PAK2: variants seen among roughly 807,000 people sequenced by gnomAD.
PAK2 encodes p21 (RAC1) activated kinase 2.
Under a neutral mutation model 65.9 loss-of-function variants are expected in PAK2, and 21 were observed. That is an observed-to-expected ratio of 0.32 (90% CI 0.23 to 0.46). The LOEUF (loss-of-function observed/expected upper bound fraction) is 0.46, where lower values mean the gene tolerates loss of function less well. Among genes scored for constraint, PAK2 ranks in the 20% least tolerant of loss-of-function variants. PAK2 has a pLI of 1.00. For synonymous variants in PAK2, 204 were observed against 219.7 expected, an observed-to-expected ratio of 0.93 and a Z score of 0.63; for missense variants, 324 against 642.6, an observed-to-expected ratio of 0.50 and a Z score of 5.36.
At chr3:196,795,367 C>T (rs1343938699) in intron 2 of PAK2, among the ~76,000 whole-genome samples, 1 of 151,870 alleles carries the variant, frequency 6.6e-6, no homozygotes, top group Non-Finnish European at 1.5e-5. Flanking sequence ...ACTTGGTAGG[C>T]TGAGGCAGGA....
At chr3:196,819,173 G>C (rs1711571991) in intron 12 of PAK2, among the ~76,000 whole-genome samples, 1 of 152,174 alleles carries the variant, frequency 6.6e-6, no homozygotes, top group East Asian at 1.9e-4. Context: ...CGGGTGCAGT[G>C]GCTCACGCCT....
intron 1 of PAK2, among the ~76,000 whole-genome samples, chr3:196,779,162 G>A (rs1228685825): frequency 2.6e-5 from 4 of 152,150 alleles, no homozygotes; most frequent in African/African-American, 9.7e-5. Context: ...CAATTCTTCT[G>A]TAAGAAAGAT....
rs1289207308 is a variant in PAK2, at chr3:196,740,098, A to C, written c.-81A>C. On this transcript the variant is annotated 5_prime_UTR_variant, in exon 1 of 15. Coordinates refer to ENST00000327134, the MANE Select transcript of PAK2 (RefSeq NM_002577.4). Reference sequence around the variant, plus strand: ...GCGCGCTAGCCCGGGGCGGCTCCGCAGCCCGCCGGGAGCTCTGACCGAGGC... The same window carrying C: ...GCGCGCTAGCCCGGGGCGGCTCCGCCGCCCGCCGGGAGCTCTGACCGAGGC... The C allele has an allele frequency of 6.8e-6, 1 of 146,048 alleles. No individual in the cohort carries two copies. The highest frequency in any genetic ancestry group is 1.5e-5 in the Non-Finnish European group (1 of 66,318). 9.0% of individuals were successfully genotyped at this position (146,048 alleles called of 1,614,324 possible). A position where few individuals can be genotyped will look rare whatever the true frequency, so the allele number is the denominator to read the frequency against.
chr3:196,753,981 C>A (rs1713691713), intron 1 of PAK2, among the ~76,000 whole-genome samples: 1 of 152,124 alleles, frequency 6.6e-6, no homozygotes, highest in Admixed American at 6.5e-5. Context: ...GGTTGGCTCA[C>A]CATTTCTGTC....
intron 2 of PAK2, among the ~76,000 whole-genome samples, chr3:196,799,156 G>A (rs970301597): frequency 1.3e-5 from 2 of 152,052 alleles, no homozygotes; most frequent in Non-Finnish European, 2.9e-5. Context: ...TAGCAAAATT[G>A]TATATTTACA....
chr3:196,795,793 A>G (rs1715240596), intron 2 of PAK2, among the ~76,000 whole-genome samples: 1 of 152,206 alleles, frequency 6.6e-6, no homozygotes, highest in Non-Finnish European at 1.5e-5. Flanking sequence ...CTTCAGGCAG[A>G]AGGAAGGTGA....
rs1195813489 is a variant in PAK2, at chr3:196,831,747, G to A, written c.*3342G>A. The A allele has an allele frequency of 6.6e-6, 1 of 152,154 alleles. No homozygotes were observed. The highest frequency in any genetic ancestry group is 2.4e-5 in the African/African-American group (1 of 41,432). 9.4% of individuals were successfully genotyped at this position (152,154 alleles called of 1,614,324 possible). A position where few individuals can be genotyped will look rare whatever the true frequency, so the allele number is the denominator to read the frequency against. Reference sequence around the variant, plus strand: ...AACAAAATAGATGCTTAAAGAATTTGCATCCATTTTTGAGTCTAAATCTTT... The same window carrying A: ...AACAAAATAGATGCTTAAAGAATTTACATCCATTTTTGAGTCTAAATCTTT... On this transcript the variant is annotated 3_prime_UTR_variant, in exon 15 of 15. Coordinates refer to ENST00000327134, the MANE Select transcript of PAK2 (RefSeq NM_002577.4).
chr3:196,748,094 A>G (rs762878583), intron 1 of PAK2, among the ~76,000 whole-genome samples: 3 of 152,082 alleles, frequency 2.0e-5, no homozygotes, highest in Admixed American at 6.5e-5. Context: ...ACAAATAGGT[A>G]TGAAATAAGT....
chr3:196,764,262 T>C (rs920045323), intron 1 of PAK2, among the ~76,000 whole-genome samples: 6 of 152,176 alleles, frequency 3.9e-5, no homozygotes, highest in African/African-American at 1.4e-4. Context: ...ATAAACATTT[T>C]AGCGCTCTTC....
chr3:196,744,672 T>G (rs896450097), intron 1 of PAK2, among the ~76,000 whole-genome samples: 5 of 152,248 alleles, frequency 3.3e-5, no homozygotes, highest in African/African-American at 9.6e-5. Flanking sequence ...CTTTTTATGT[T>G]GATTTTAAAA....
chr3:196,804,370 AT>A (rs376819737), intron 4 of PAK2, among the ~76,000 whole-genome samples: 92 of 152,230 alleles, frequency 6.0e-4, no homozygotes, highest in African/African-American at 2.0e-3. Context: ...TAAATTAGTA[AT>A]TTTTTTGAAA....
Position 196,830,013 on chromosome 3 carries a change from T to A in PAK2, c.*1608T>A, listed in dbSNP as rs1434448454. 1 of 152,100 alleles carries A rather than the reference T, an allele frequency of 6.6e-6. No homozygotes were observed. The highest frequency in any genetic ancestry group is 2.4e-5 in the African/African-American group (1 of 41,396). 9.4% of individuals were successfully genotyped at this position (152,100 alleles called of 1,614,324 possible). ...TCTGTGGTTTGGTTCTGGCATTTTG[T>A]TCCCACCATCCCCTTCCCCCATTAA... On this transcript the variant is annotated 3_prime_UTR_variant, in exon 15 of 15. Coordinates refer to ENST00000327134, the MANE Select transcript of PAK2 (RefSeq NM_002577.4).
intron 1 of PAK2, among the ~76,000 whole-genome samples, chr3:196,743,028 G>A (rs1713258884): frequency 6.6e-6 from 1 of 152,180 alleles, no homozygotes. Flanking sequence ...TCAGAGGGAG[G>A]GTGTTAATTG....
At chr3:196,744,872 A>G (rs1380080021) in intron 1 of PAK2, among the ~76,000 whole-genome samples, 2 of 152,180 alleles carry the variant, frequency 1.3e-5, no homozygotes, top group African/African-American at 2.4e-5. Flanking sequence ...GTGCACATGC[A>G]TATGTAGATA....
At chr3:196,745,803 G>C (rs1577692060) in intron 1 of PAK2, among the ~76,000 whole-genome samples, 1 of 141,632 alleles carries the variant, frequency 7.1e-6, no homozygotes, top group East Asian at 2.0e-4. Flanking sequence ...AACAGAACGA[G>C]ACTCCATCTC....
chr3:196,814,765 T>C (rs2108767838), intron 11 of PAK2, among the ~76,000 whole-genome samples, 197 bp downstream of exon 11: 1 of 152,264 alleles, frequency 6.6e-6, no homozygotes, highest in Non-Finnish European at 1.5e-5. Flanking sequence ...TAAGATAATT[T>C]GGGAATGAAT....
chr3:196,785,737 G>T (rs1271296844), intron 2 of PAK2, among the ~76,000 whole-genome samples: 1 of 152,182 alleles, frequency 6.6e-6, no homozygotes, highest in African/African-American at 2.4e-5. Flanking sequence ...CACATGGCTG[G>T]GGAGGCCTCA....
At chr3:196,809,816 A>G (rs894575643) in intron 7 of PAK2, among the ~76,000 whole-genome samples, 7 of 151,960 alleles carry the variant, frequency 4.6e-5, no homozygotes, top group African/African-American at 1.7e-4. Context: ...ACATAAAACT[A>G]TTTATGTCAG....
At chr3:196,776,080 T>TG (rs1251260695) in intron 1 of PAK2, among the ~76,000 whole-genome samples, 1 of 152,114 alleles carries the variant, frequency 6.6e-6, no homozygotes, top group Non-Finnish European at 1.5e-5. Flanking sequence ...TGCAATACCG[T>TG]GGGGGAGTCT....
Sources: allele counts gnomAD v4.1 joint callset (sites outside exome capture counted in the v4.1 genomes callset), GRCh38; gene constraint gnomAD v4.1.1; transcripts MANE v1.5; gene names NCBI Gene and HGNC (gene_info 2026-07-23, HGNC 2026-07-21).